ARID2: variants seen among roughly 807,000 people sequenced by gnomAD.
The protein encoded by ARID2 is AT-rich interactive domain-containing protein 2.
In ARID2, 32 loss-of-function variants were observed where a neutral mutation model predicts 184.6. That is an observed-to-expected ratio of 0.17 (90% CI 0.13 to 0.23). The LOEUF (loss-of-function observed/expected upper bound fraction) is 0.23. Among genes scored for constraint, ARID2 ranks in the 10% least tolerant of loss-of-function variants. The pLI is 1.00. For synonymous variants in ARID2, 836 were observed against 772.6 expected (o/e 1.08, Z -1.36); for missense variants, 1,696 against 2,197.6 (o/e 0.77, Z 4.56).
At position 45,848,986 on chromosome 12, in the gene ARID2, C is replaced by G; in HGVS notation, c.1715+16C>G. 6.2e-7 allele frequency: 1 copy of G among 1,602,692 alleles called. No individual in the cohort carries two copies. The highest frequency in any genetic ancestry group is 1.1e-5 in the South Asian group (1 of 88,558). ...AATGTCTTAGGTAGGATCCATAGTT[C>G]TTTAAATAAAGTCCATTTACGTCAC... On this transcript the variant is annotated intron_variant, in intron 13 of 20. Coordinates refer to ENST00000334344, the MANE Select transcript of ARID2 (RefSeq NM_152641.4).
intron 3 of ARID2, among the ~76,000 whole-genome samples, chr12:45,757,340 A>C (rs531991546): frequency 6.6e-6 from 1 of 152,286 alleles, no homozygotes; most frequent in East Asian, 1.9e-4. Context: ...GAATTTCCCA[A>C]ACACATTTGA....
At chr12:45,744,502 A>C (rs1195017885) in intron 3 of ARID2, among the ~76,000 whole-genome samples, 3 of 152,158 alleles carry the variant, frequency 2.0e-5, no homozygotes, top group Non-Finnish European at 4.4e-5. Context: ...CTTATGTTCC[A>C]AGAATTTAAC....
chr12:45,797,507 T>TA (rs558819289), intron 3 of ARID2, among the ~76,000 whole-genome samples: 42 of 152,224 alleles, frequency 2.8e-4, no homozygotes, highest in Non-Finnish European at 4.3e-4. Context: ...GTGCTGGCAT[T>TA]ACAGTTGTGA....
At chr12:45,861,824 C>T (rs957565775) in intron 16 of ARID2, among the ~76,000 whole-genome samples, 2 of 152,082 alleles carry the variant, frequency 1.3e-5, no homozygotes, top group South Asian at 2.1e-4. Context: ...CCTCTGGCCT[C>T]GGCCTCCCAA....
chr12:45,867,563 A>T (rs942722117), intron 16 of ARID2, among the ~76,000 whole-genome samples: 1 of 151,380 alleles, frequency 6.6e-6, no homozygotes, highest in Admixed American at 6.6e-5. Flanking sequence ...TAGCACAGTG[A>T]AACCCCGTCT....
At chr12:45,732,610 A>G (rs555351797) in intron 3 of ARID2, among the ~76,000 whole-genome samples, 2 of 152,312 alleles carry the variant, frequency 1.3e-5, no homozygotes, top group South Asian at 4.1e-4. Context: ...AGAGAGTTTT[A>G]TATTCATCGT....
intron 16 of ARID2, among the ~76,000 whole-genome samples, chr12:45,865,045 T>C (rs1212750871): frequency 6.6e-6 from 1 of 152,190 alleles, no homozygotes; most frequent in African/African-American, 2.4e-5. Context: ...GTATCCTTCT[T>C]GGTATACAAA....
intron 11 of ARID2, chr12:45,841,983 C>T (rs1943349149): frequency 6.6e-6 from 1 of 152,042 alleles, no homozygotes; most frequent in South Asian, 2.1e-4. Context: ...TTTGGCCAGG[C>T]ACTGTGGCTT....
At chr12:45,871,489 CA>C (rs1477274634) in intron 16 of ARID2, among the ~76,000 whole-genome samples, 1 of 152,076 alleles carries the variant, frequency 6.6e-6, no homozygotes, top group Non-Finnish European at 1.5e-5. Flanking sequence ...CTTTTTTATG[CA>C]TTGTTTGATA....
intron 3 of ARID2, among the ~76,000 whole-genome samples, chr12:45,751,801 A>C (rs1166194424): frequency 6.6e-6 from 1 of 152,212 alleles, no homozygotes; most frequent in Non-Finnish European, 1.5e-5. Flanking sequence ...GTATCTAAAC[A>C]TAGCTAAACA....
chr12:45,732,524 ATTT>A (rs1382392436), intron 3 of ARID2, among the ~76,000 whole-genome samples: 1 of 152,186 alleles, frequency 6.6e-6, no homozygotes, highest in Non-Finnish European at 1.5e-5. Context: ...GTCAGAGTAC[ATTT>A]TAAATTAAAG....
intron 11 of ARID2, among the ~76,000 whole-genome samples, chr12:45,845,441 A>G (rs986350142): frequency 6.6e-6 from 1 of 152,168 alleles, no homozygotes; most frequent in Non-Finnish European, 1.5e-5. Context: ...CCTGGATTCA[A>G]ATCCAACACT....
rs144431787 is a variant in ARID2, at chr12:45,869,961, A to G, written c.4922+9012A>G. Among the ~76,000 whole-genome samples the G allele has an allele frequency of 8.0e-3, 1,211 of 152,236 alleles. 8 individuals carry two copies. Among genetic ancestry groups the G allele is most frequent in the Non-Finnish European group, 0.014 (986 of 68,006 alleles). ...TGCACAATAGTGATAATATTCATCCATATCTTTTTTAAAGCTAATAAACCA... is the reference window on the plus strand; with the variant it reads ...TGCACAATAGTGATAATATTCATCCGTATCTTTTTTAAAGCTAATAAACCA... On this transcript the variant is annotated intron_variant, in intron 16 of 20. Transcript: ENST00000334344.
intron 6 of ARID2, among the ~76,000 whole-genome samples, chr12:45,834,309 T>G (rs1943175030): frequency 6.6e-6 from 1 of 152,312 alleles, no homozygotes; most frequent in South Asian, 2.1e-4. Flanking sequence ...TTAATTTGGC[T>G]TAACCACAGT....
intron 3 of ARID2, among the ~76,000 whole-genome samples, chr12:45,732,992 A>G (rs996538375): frequency 5.9e-5 from 9 of 152,150 alleles, no homozygotes; most frequent in Non-Finnish European, 4.4e-5. Context: ...GTTTTTAACT[A>G]TATAGTTTCA....
intron 3 of ARID2, among the ~76,000 whole-genome samples, chr12:45,733,735 C>G (rs1337107877): frequency 6.6e-6 from 1 of 152,140 alleles, no homozygotes; most frequent in East Asian, 1.9e-4. Flanking sequence ...AGCTAGTATG[C>G]TGGCCATGTA....
At chr12:45,743,306 T>C (rs573211407) in intron 3 of ARID2, among the ~76,000 whole-genome samples, 7 of 151,506 alleles carry the variant, frequency 4.6e-5, no homozygotes, top group African/African-American at 1.7e-4. Flanking sequence ...GAGGTGGAGG[T>C]TGTGGTGAGC....
rs2138130166 is a variant in ARID2, at chr12:45,837,331, A to G, written c.1034A>G (p.Asp345Gly). ...TGTTTCTTTTTCCAGCTTTTACTGG[A>G]CCCTGTTGATTTCAAAACTACTCAT... Reference protein sequence around the residue: ...LGNIAAELLLDPVDFKTTHLM... With the variant: ...LGNIAAELLLGPVDFKTTHLM... Residue 345 changes from aspartate (D) to glycine (G), a missense_variant, in exon 9 of 21, where the codon GAC becomes GGC. By Grantham distance (94) the Asp-to-Gly change is moderately conservative. Coordinates refer to ENST00000334344, the MANE Select transcript of ARID2 (RefSeq NM_152641.4). 6.2e-7 allele frequency: 1 copy of G among 1,608,826 alleles called. No homozygotes were observed. The highest frequency in any genetic ancestry group is 8.5e-7 in the Non-Finnish European group (1 of 1,178,224).
chr12:45,848,481 A>G (rs983183048), intron 12 of ARID2, among the ~76,000 whole-genome samples: 1 of 152,072 alleles, frequency 6.6e-6, no homozygotes, highest in East Asian at 1.9e-4. Context: ...GTAATTGGGA[A>G]CTTGTTTTAT....
Sources: allele counts gnomAD v4.1 joint callset (sites outside exome capture counted in the v4.1 genomes callset), GRCh38; gene constraint gnomAD v4.1.1; transcripts MANE v1.5; gene names NCBI Gene and HGNC (gene_info 2026-07-23, HGNC 2026-07-21).